VPS39: variants seen among roughly 807,000 people sequenced by gnomAD.
The protein encoded by VPS39 is vam6/Vps39-like protein.
Under a neutral mutation model 121.0 loss-of-function variants are expected in VPS39, and 70 were observed. The observed-to-expected ratio is 0.58, with a 90% CI of 0.48 to 0.71. The LOEUF is 0.71. Among genes scored for constraint, VPS39 ranks in the 30% least tolerant of loss-of-function variants. VPS39 has a pLI of 0.00. For missense variants in VPS39, 818 were observed against 1,051.5 expected, an observed-to-expected ratio of 0.78 and a Z score of 3.07; for synonymous variants, 378 against 398.1, an observed-to-expected ratio of 0.95 and a Z score of 0.60.
chr15:42,166,307 T>G (rs935292374), intron 15 of VPS39, 75 bp from the exon 16 acceptor site: 1 of 1,464,284 alleles, frequency 6.8e-7, no homozygotes, highest in Admixed American at 1.7e-5. Context: ...GGTGGGCAGG[T>G]TGCCCCAGAA....
At chr15:42,179,729 T>G (rs191172388) in intron 8 of VPS39, among the ~76,000 whole-genome samples, 25 of 152,130 alleles carry the variant, frequency 1.6e-4, no homozygotes, top group Non-Finnish European at 3.1e-4. Flanking sequence ...TTCTAGCCAA[T>G]GTTGTTTCTG....
At chr15:42,195,168 C>G (rs901145974) in intron 2 of VPS39, among the ~76,000 whole-genome samples, 5 of 152,100 alleles carry the variant, frequency 3.3e-5, no homozygotes, top group African/African-American at 1.2e-4. Flanking sequence ...GGGCTGGGCA[C>G]AGTGGCTCAT....
Position 42,187,314 on chromosome 15 carries a change from T to C in VPS39, c.491A>G (p.Asn164Ser). Reference protein sequence around the residue: ...DVPKSMAWCENSICVGFKRDY... With the variant: ...DVPKSMAWCESSICVGFKRDY... ...TCTCTTGAAACCCACACAGATAGAA[T>C]TTTCACACCACGCCATGGACTTGGG... The change falls in exon 7 of 25, where the codon AAT becomes AGT. Residue 164 changes from asparagine to serine, a missense_variant. Coordinates refer to ENST00000318006, the MANE Select transcript of VPS39 (RefSeq NM_015289.5). The C allele has an allele frequency of 6.2e-7, 1 of 1,613,450 alleles. No homozygotes were observed. The highest frequency in any genetic ancestry group is 8.5e-7 in the Non-Finnish European group (1 of 1,179,894).
chr15:42,166,514 G>A (rs751785052), intron 15 of VPS39, 49 bp downstream of exon 15: 67 of 1,593,358 alleles, frequency 4.2e-5, no homozygotes, highest in Non-Finnish European at 5.2e-5. Context: ...GGGAGACCAG[G>A]TCATTTGAAC....
chr15:42,161,106 C>T (rs534915615), intron 24 of VPS39: 12 of 410,762 alleles, frequency 2.9e-5, no homozygotes, highest in African/African-American at 2.0e-4. Context: ...GGCAGTGCAC[C>T]AGCCCAAAGC....
intron 1 of VPS39, among the ~76,000 whole-genome samples, chr15:42,203,461 A>G (rs2050107475): frequency 7.0e-6 from 1 of 143,186 alleles, no homozygotes; most frequent in South Asian, 2.3e-4. Context: ...GTGACGGGGC[A>G]GGACTCTGTC....
chr15:42,188,203 T>A (rs539855152), intron 5 of VPS39, among the ~76,000 whole-genome samples: 4 of 152,348 alleles, frequency 2.6e-5, no homozygotes, highest in Admixed American at 2.0e-4. Flanking sequence ...TGTCAATGCA[T>A]GCTGGGTTAA....
intron 5 of VPS39, among the ~76,000 whole-genome samples, chr15:42,188,418 G>T (rs1488129855): frequency 9.2e-5 from 14 of 152,172 alleles, no homozygotes; most frequent in Admixed American, 8.5e-4. Flanking sequence ...TATCTTTTCT[G>T]AACAATGAAA....
At position 42,165,377 on chromosome 15, in the gene VPS39, T is replaced by A. The variant is rs192778557; in HGVS notation, c.1780-264A>T. The A allele has an allele frequency of 8.1e-4, 441 of 542,916 alleles. 2 individuals carry two copies. The highest frequency in any genetic ancestry group is 2.0e-3 in the Admixed American group (58 of 29,354). 33.6% of individuals were successfully genotyped at this position (542,916 alleles called of 1,614,324 possible). ...TCCTCCAAACTCTCATAGCGACTCA[T>A]GTAATTGTGGTTAAATATCTGCATC... On this transcript the variant is annotated intron_variant, in intron 17 of 24. Transcript: ENST00000318006.
Position 42,189,314 on chromosome 15 carries a change from G to A in VPS39, c.248-106C>T, listed in dbSNP as rs946928994. 1.5e-5 allele frequency: 12 copies of A among 782,626 alleles called. No homozygotes were observed. In the Admixed American group the frequency reaches 2.5e-4, roughly 16 times the overall value. The allele number at this position is 782,626 out of a possible 1,614,324, so 48.5% of individuals were successfully genotyped here. A position where few individuals can be genotyped will look rare whatever the true frequency, so the allele number is the denominator to read the frequency against. ...GTGTTAACATCTAGAAGAAGCAAAT[G>A]GCAGATGTTGGTTGAAGATGTCCCT... On this transcript the variant is annotated intron_variant, in intron 4 of 24. Transcript: ENST00000318006.
chr15:42,167,385 G>T lies in VPS39; in HGVS notation c.1377+9C>A. Reference sequence around the variant, plus strand: ...GGAATTGTGGCACCCGAGCGCTCAGGTAACTCACATGGAGATAGCACTTGA... The same window carrying T: ...GGAATTGTGGCACCCGAGCGCTCAGTTAACTCACATGGAGATAGCACTTGA... On this transcript the variant is annotated intron_variant, in intron 13 of 24. Transcript: ENST00000318006. The T allele has an allele frequency of 1.2e-6, 2 of 1,613,986 alleles. No homozygotes were observed. The highest frequency in any genetic ancestry group is 1.7e-6 in the Non-Finnish European group (2 of 1,179,948).
At chr15:42,177,496 T>A (rs1298910213) in intron 10 of VPS39, among the ~76,000 whole-genome samples, 1 of 152,190 alleles carries the variant, frequency 6.6e-6, no homozygotes, top group African/African-American at 2.4e-5. Flanking sequence ...AAAGCCTACT[T>A]ATCCAAACAT....
chr15:42,177,237 A>G (rs1003086661), intron 10 of VPS39, among the ~76,000 whole-genome samples: 1 of 151,896 alleles, frequency 6.6e-6, no homozygotes, highest in Non-Finnish European at 1.5e-5. Flanking sequence ...TGGTTTAACA[A>G]CTAGGTTAGG....
chr15:42,194,077 A>T (rs556804730), intron 2 of VPS39, among the ~76,000 whole-genome samples: 36 of 152,348 alleles, frequency 2.4e-4, no homozygotes, highest in Middle Eastern at 6.8e-3. Context: ...TACTAAAAAG[A>T]TGTGTTGCCA....
chr15:42,162,419 G>T lies in VPS39; in HGVS notation c.2238C>A (p.Ile746=), dbSNP rs141117816. ...SPPSIHCLGP[I]KLELLEPKAN... ...CTTTTGGCTCCAGTAGTTCCAGCTT[G>T]ATTGGCCCCAGGCAGTGAATGCTGG... The change falls in exon 22 of 25, where the codon ATC becomes ATA. Residue 746 remains isoleucine, a synonymous_variant. Transcript: ENST00000318006. The T allele has an allele frequency of 1.2e-6, 2 of 1,613,702 alleles. No individual in the cohort carries two copies. Among genetic ancestry groups the T allele is most frequent in the African/African-American group, 2.7e-5 (2 of 74,900 alleles).
chr15:42,160,887 G>A (rs1340088048), intron 24 of VPS39, 58 bp from the exon 25 acceptor site: 1 of 1,566,894 alleles, frequency 6.4e-7, no homozygotes, highest in Non-Finnish European at 8.8e-7. Context: ...CACTTCTCTG[G>A]CAGCGGCACC....
At chr15:42,195,311 G>A (rs1198379765) in intron 2 of VPS39, among the ~76,000 whole-genome samples, 5 of 152,112 alleles carry the variant, frequency 3.3e-5, no homozygotes, top group African/African-American at 7.2e-5. Flanking sequence ...ATGATGGCAC[G>A]CATCTGTAGT....
chr15:42,164,311 G>A, intron 19 of VPS39, 47 bp downstream of exon 19: 1 of 1,611,142 alleles, frequency 6.2e-7, no homozygotes, highest in South Asian at 1.1e-5. Context: ...ATTAGTCTTT[G>A]CATGACCTTC....
intron 6 of VPS39, 55 bp from the exon 7 acceptor site, chr15:42,187,418 G>T: frequency 6.7e-7 from 1 of 1,500,650 alleles, no homozygotes; most frequent in Non-Finnish European, 9.0e-7. Context: ...AAAAAATCAT[G>T]ACTTTCCTGT....
Sources: allele counts gnomAD v4.1 joint callset (sites outside exome capture counted in the v4.1 genomes callset), GRCh38; gene constraint gnomAD v4.1.1; transcripts MANE v1.5; gene names NCBI Gene and HGNC (gene_info 2026-07-23, HGNC 2026-07-21).